The following WASHC5 variants were observed in gnomAD, a reference collection of about 807,000 sequenced individuals.
WASHC5 encodes the protein WASH complex subunit strumpellin.
Under a neutral mutation model 150.4 loss-of-function variants are expected in WASHC5, and 101 were observed. The observed-to-expected ratio is 0.67, with a 90% CI of 0.57 to 0.79. The LOEUF (loss-of-function observed/expected upper bound fraction) is 0.79, where lower values mean the gene tolerates loss of function less well. Among genes scored for constraint, WASHC5 ranks in the 30% least tolerant of loss-of-function variants. The pLI is 0.00. For missense variants in WASHC5, 1,195 were observed against 1,396.3 expected (o/e 0.86, Z 2.30); for synonymous variants, 467 against 491.2 (o/e 0.95, Z 0.65).
Position 125,043,979 on chromosome 8 carries a change from T to A in WASHC5, c.2770+13A>T, listed in dbSNP as rs1354052281. ...AGTGTCATCCCCGCCTCAGGTAGTTTCAGGACACTCACCGACAATACTTTT... is the reference window on the plus strand; with the variant it reads ...AGTGTCATCCCCGCCTCAGGTAGTTACAGGACACTCACCGACAATACTTTT... On this transcript the variant is annotated intron_variant, in intron 22 of 28. Transcript: ENST00000318410. 1 of 1,605,476 alleles carries A rather than the reference T, an allele frequency of 6.2e-7. No homozygotes were observed. The highest frequency in any genetic ancestry group is 8.5e-7 in the Non-Finnish European group (1 of 1,172,258).
In WASHC5 at chr8:125,083,755, T is replaced by A; in HGVS notation, c.144A>T (p.Gln48His). Residue 48 changes from glutamine (Q) to histidine (H), a missense_variant, in exon 2 of 29, where the codon CAA becomes CAT. Physicochemically the swap from Gln to His is conservative, Grantham distance 24. Transcript: ENST00000318410. ...CAAATATGATATCTCCATATTTCTG[T>A]TGATCAGCTCTGTCTTTTAACCTGA... Reference protein sequence around the residue: ...AVFRLKDRADQQKYGDIIFDF... With the variant: ...AVFRLKDRADHQKYGDIIFDF... 6.2e-7 allele frequency: 1 copy of A among 1,613,762 alleles called. No homozygotes were observed. Among genetic ancestry groups the A allele is most frequent in the South Asian group, 1.1e-5 (1 of 91,054 alleles).
chr8:125,029,178 C>T (rs1815457298), intron 27 of WASHC5, among the ~76,000 whole-genome samples: 1 of 152,136 alleles, frequency 6.6e-6, no homozygotes, highest in African/African-American at 2.4e-5. Flanking sequence ...ATTACAGATG[C>T]ACGCCAGCAT....
intron 21 of WASHC5, 104 bp downstream of exon 21, chr8:125,044,432 A>T: frequency 1.6e-6 from 2 of 1,261,528 alleles, no homozygotes; most frequent in South Asian, 2.4e-5. Context: ...TCAGTGTAAG[A>T]AATCATGGAA....
chr8:125,047,126 T>G, intron 20 of WASHC5, 81 bp downstream of exon 20: 2 of 1,544,224 alleles, frequency 1.3e-6, no homozygotes, highest in Non-Finnish European at 1.8e-6. Flanking sequence ...GTGACTGGAA[T>G]AGGGGCTGTG....
intron 6 of WASHC5, 85 bp downstream of exon 6, chr8:125,078,650 AAAG>A: frequency 2.7e-6 from 3 of 1,100,132 alleles, no homozygotes; most frequent in Non-Finnish European, 4.2e-6. Flanking sequence ...CTCTTTTGGG[AAAG>A]AAGGAAGGAA....
chr8:125,034,242 G>A (rs1246829310), intron 26 of WASHC5, among the ~76,000 whole-genome samples: 1 of 152,180 alleles, frequency 6.6e-6, no homozygotes. Flanking sequence ...GCTTATGCCT[G>A]TAATCTTGGC....
In WASHC5 at chr8:125,063,649, C is replaced by G. The variant is rs1176220659; in HGVS notation, c.1281G>C (p.Met427Ile). Residue 427 changes from methionine (M) to isoleucine (I), a missense_variant and splice_region_variant, in exon 11 of 29, where the codon ATG becomes ATC. Met to Ile is a conservative substitution (Grantham distance 10). Coordinates refer to ENST00000318410, the MANE Select transcript of WASHC5 (RefSeq NM_014846.4). ...GCTTTTCTGAAAGCATTTGCTTGAA[C>G]ATCTGTTGAAGCAACAGAAAATATT... is the stretch of plus-strand genomic sequence containing the variant. ...TAQFEFILKEMFKQMLSEKQT... is the reference protein window; with the variant it reads ...TAQFEFILKEIFKQMLSEKQT... 19 of 1,613,626 alleles carry G rather than the reference C, an allele frequency of 1.2e-5. No homozygotes were observed. The highest frequency in any genetic ancestry group is 1.6e-5 in the Non-Finnish European group (19 of 1,179,634).
intron 9 of WASHC5, among the ~76,000 whole-genome samples, chr8:125,072,352 T>TGG (rs796298078): frequency 4.2e-4 from 7 of 16,838 alleles, no homozygotes; most frequent in African/African-American, 7.8e-4. Context: ...AAAAAAAAAG[T>TGG]GGGGGGGGGG....
At chr8:125,032,640 C>G in intron 26 of WASHC5, 1 of 520,022 alleles carries the variant, frequency 1.9e-6, no homozygotes, top group Non-Finnish European at 3.5e-6. Context: ...ATTACTGGTT[C>G]TTTTGAATTA....
At chr8:125,088,959 G>A (rs137965029) in intron 1 of WASHC5, among the ~76,000 whole-genome samples, 36 of 152,214 alleles carry the variant, frequency 2.4e-4, no homozygotes, top group Non-Finnish European at 3.8e-4. Flanking sequence ...AGCTAGGGGC[G>A]GAAACAGAAG....
chr8:125,038,382 C>T lies in WASHC5; in HGVS notation c.3084+448G>A, dbSNP rs988465428. On this transcript the variant is annotated intron_variant, in intron 25 of 28. Transcript: ENST00000318410. ...TTTGCCATGCAAAGAGATCTGGCAC[C>T]GAGTTATGAAAAAACTTTCAGTTCT... 1.2e-4 allele frequency among the ~76,000 whole-genome samples: 18 copies of T among 152,134 alleles called. No individual in the cohort carries two copies. The South Asian group carries it at 2.3e-3, about 19-fold the overall frequency.
chr8:125,050,734 G>T, intron 17 of WASHC5, 69 bp from the exon 18 acceptor site: 1 of 1,236,616 alleles, frequency 8.1e-7, no homozygotes, highest in Non-Finnish European at 1.2e-6. Context: ...CCAGAGGAAA[G>T]ATGGCTTTCA....
chr8:125,057,609 G>T lies in WASHC5; in HGVS notation c.1822C>A (p.Leu608Met). The T allele has an allele frequency of 6.2e-7, 1 of 1,614,014 alleles. No individual in the cohort carries two copies. The highest frequency in any genetic ancestry group is 8.5e-7 in the Non-Finnish European group (1 of 1,179,950). ...LRINQANSPD[L>M]LSVSQYYSGE... is the part of the protein sequence containing the mutation. ...GAATAGTACTGTGACACGCTGAGCA[G>T]GTCGGGGCTATTTGCCTGATTAATA... The change falls in exon 15 of 29, where the codon CTG becomes ATG. Residue 608 changes from leucine to methionine, a missense_variant. Around this residue, in one of 3 missense-constraint regions of WASHC5, gnomAD observed 997 missense variants for 1,168.1 expected, o/e 0.85. Transcript: ENST00000318410.
At position 125,076,431 on chromosome 8, in the gene WASHC5, T is replaced by C; in HGVS notation, c.781A>G (p.Ile261Val). 1 of 1,614,046 alleles carries C rather than the reference T, an allele frequency of 6.2e-7. No individual in the cohort carries two copies. The highest frequency in any genetic ancestry group is 8.5e-7 in the Non-Finnish European group (1 of 1,179,976). Residue 261 changes from isoleucine (I) to valine (V), a missense_variant, in exon 7 of 29, where the codon ATT becomes GTT. Ile to Val is a conservative substitution (Grantham distance 29). Around this residue, in one of 3 missense-constraint regions of WASHC5, gnomAD observed 997 missense variants for 1,168.1 expected, o/e 0.85. Coordinates refer to ENST00000318410, the MANE Select transcript of WASHC5 (RefSeq NM_014846.4). ...LANQAAMLYVILYFEPSILHT... is the reference protein window; with the variant it reads ...LANQAAMLYVVLYFEPSILHT... ...AGGATGGAAGGCTCAAAGTAGAGAA[T>C]CACGTACAGCATGGCAGCTTGGTTT...
intron 14 of WASHC5, 93 bp from the exon 15 acceptor site, chr8:125,057,759 G>T: frequency 1.2e-6 from 1 of 818,846 alleles, no homozygotes; most frequent in South Asian, 1.6e-5. Flanking sequence ...CAAAACATTT[G>T]GGTTTTACCC....
At chr8:125,054,815 G>C (rs1293358438) in intron 17 of WASHC5, among the ~76,000 whole-genome samples, 1 of 135,032 alleles carries the variant, frequency 7.4e-6, no homozygotes, top group Admixed American at 7.1e-5. Flanking sequence ...CAAGACCCTT[G>C]TCTCAAAAAA....
intron 17 of WASHC5, among the ~76,000 whole-genome samples, chr8:125,051,748 G>A (rs144777592): frequency 6.6e-5 from 10 of 152,306 alleles, no homozygotes; most frequent in East Asian, 1.9e-4. Context: ...TTAGTCGGGC[G>A]TGGTGGCACA....
chr8:125,050,991 C>A (rs928721360), intron 17 of WASHC5, among the ~76,000 whole-genome samples: 1 of 152,044 alleles, frequency 6.6e-6, no homozygotes, highest in African/African-American at 2.4e-5. Flanking sequence ...TTTTAAATGG[C>A]CTCACATTCT....
chr8:125,083,427 G>A (rs925170957), intron 2 of WASHC5, among the ~76,000 whole-genome samples, 169 bp from the exon 3 acceptor site: 3 of 152,218 alleles, frequency 2.0e-5, no homozygotes, highest in Non-Finnish European at 4.4e-5. Flanking sequence ...ATCCCTTTGA[G>A]AGAAATGAAT....
Sources: gnomAD v4.1 joint callset for allele counts (sites outside exome capture counted in the v4.1 genomes callset) on GRCh38, gnomAD v4.1.1 for gene constraint, gnomAD v4.1.1 regional missense constraint, MANE v1.5 for transcripts, NCBI Gene and HGNC (gene_info 2026-07-23, HGNC 2026-07-21) for gene names.